AGAP1: variants seen among roughly 807,000 people sequenced by gnomAD.
AGAP1 encodes the protein arf-GAP with GTPase, ANK repeat and PH domain-containing protein 1.
In AGAP1, 29 loss-of-function variants were observed where a neutral mutation model predicts 105.3. That is an observed-to-expected ratio of 0.28 (90% CI 0.21 to 0.38). AGAP1 has a LOEUF of 0.38. Ranked by LOEUF, AGAP1 falls within the 10% of genes least tolerant of loss-of-function variation. The probability of loss-of-function intolerance (pLI) is 1.00; values close to 1 mark genes in which losing one functional copy is unlikely to be tolerated. For synonymous variants in AGAP1, 509 were observed against 485.9 expected, an observed-to-expected ratio of 1.05 and a Z score of -0.63; for missense variants, 998 against 1,165.1, an observed-to-expected ratio of 0.86 and a Z score of 2.09.
rs1051380895 is a variant in AGAP1 at position 235,621,550 on chromosome 2, G to A, written c.164-87629G>A. 1.3e-5 allele frequency among the ~76,000 whole-genome samples: 2 copies of A among 152,174 alleles called. No homozygotes were observed. The highest frequency in any genetic ancestry group is 4.8e-5 in the African/African-American group (2 of 41,446). On this transcript the variant is annotated intron_variant, in intron 1 of 17. Coordinates refer to ENST00000304032, the MANE Select transcript of AGAP1 (RefSeq NM_001037131.3). This position sits in a 1 kb window ranked among gnomAD's most constrained non-coding sequence, Gnocchi z 4.1. The stretch of plus-strand genomic sequence containing the variant: ...AGGGCCCTGTCACGTCTCTGAGCCG[G>A]CTTCTCTGGGCACTGGCTGGGCTGA...
At chr2:235,903,172 TAC>T (rs904297663) in intron 10 of AGAP1, among the ~76,000 whole-genome samples, 2 of 152,218 alleles carry the variant, frequency 1.3e-5, no homozygotes, top group African/African-American at 4.8e-5. Flanking sequence ...AACATACATG[TAC>T]AGTTATAAAC....
intron 16 of AGAP1, 194 bp downstream of exon 16, chr2:236,049,475 A>G: frequency 3.8e-6 from 2 of 525,300 alleles, no homozygotes; most frequent in Non-Finnish European, 6.7e-6. Context: ...ACACTCCTTA[A>G]TTTTTTATGT....
rs1442378455 is a variant in AGAP1 at position 235,577,163 on chromosome 2, AAAAT to A, written c.163+82318_163+82321del. On this transcript the variant is annotated intron_variant, in intron 1 of 17. Transcript: ENST00000304032. The surrounding 1 kb of genome is among the most constrained non-coding windows in gnomAD (Gnocchi z 4.5). The stretch of plus-strand genomic sequence containing the variant: ...AAGTTTTCTACTAGCTACATTAGAA[AAAAT>A]AAAAGAAACAGATGAAATTAATTTT... Among the ~76,000 whole-genome samples the A allele has an allele frequency of 2.0e-5, 3 of 152,364 alleles. No individual in the cohort carries two copies. The highest frequency in any genetic ancestry group is 1.3e-4 in the Admixed American group (2 of 15,310).
intron 9 of AGAP1, among the ~76,000 whole-genome samples, chr2:235,871,238 T>C (rs2049421563): frequency 6.6e-6 from 1 of 152,228 alleles, no homozygotes; most frequent in Non-Finnish European, 1.5e-5. Flanking sequence ...TTGTGATCAG[T>C]CCAGCAAGGT....
In AGAP1 at chr2:235,983,944, A is replaced by G. The variant is rs376286307; in HGVS notation, c.1645+15321A>G. 2.0e-5 allele frequency among the ~76,000 whole-genome samples: 3 copies of G among 151,342 alleles called. No individual in the cohort carries two copies. Among genetic ancestry groups the G allele is most frequent in the South Asian group, 2.1e-4 (1 of 4,802 alleles). ...CATTTTAATTGTTTTTAAGTGTTCAATTCAGTGCCGTTGAATTATATTTTC... is the reference window on the plus strand; with the variant it reads ...CATTTTAATTGTTTTTAAGTGTTCAGTTCAGTGCCGTTGAATTATATTTTC... On this transcript the variant is annotated intron_variant, in intron 13 of 17. Transcript: ENST00000304032. This position sits in a 1 kb window ranked among gnomAD's most constrained non-coding sequence, Gnocchi z 4.5.
chr2:236,043,736 A>AAAGG (rs537659767), intron 15 of AGAP1, among the ~76,000 whole-genome samples: 2 of 138,774 alleles, frequency 1.4e-5, no homozygotes, highest in East Asian at 2.7e-4. Context: ...AAAAAAAAAA[A>AAAGG]GTGGGGGGGG....
intron 9 of AGAP1, among the ~76,000 whole-genome samples, chr2:235,863,153 C>T (rs1013976527): frequency 6.6e-6 from 1 of 152,210 alleles, no homozygotes; most frequent in Admixed American, 6.5e-5. Flanking sequence ...ATGGGCAAGA[C>T]GGGAGTGGTC....
At position 235,553,077 on chromosome 2, in the gene AGAP1, C is replaced by T. The variant is rs1429286944; in HGVS notation, c.163+58228C>T. Among the ~76,000 whole-genome samples, 1 of 152,182 alleles carries T rather than the reference C, an allele frequency of 6.6e-6. No homozygotes were observed. The highest frequency in any genetic ancestry group is 1.5e-5 in the Non-Finnish European group (1 of 68,040). On this transcript the variant is annotated intron_variant, in intron 1 of 17. Coordinates refer to ENST00000304032, the MANE Select transcript of AGAP1 (RefSeq NM_001037131.3). This position sits in a 1 kb window ranked among gnomAD's most constrained non-coding sequence, Gnocchi z 4.5. ...TCTGCTTTATTTCATCTGCAAGTAG[C>T]ATTAATACTATAACTGAATATACAG...
At chr2:235,975,553 C>CT (rs1331877041) in intron 13 of AGAP1, among the ~76,000 whole-genome samples, 1 of 152,142 alleles carries the variant, frequency 6.6e-6, no homozygotes, top group Non-Finnish European at 1.5e-5. Context: ...AGGCTCTCAT[C>CT]TTTTCTCACT....
At chr2:236,031,328 G>A (rs543755890) in intron 13 of AGAP1, among the ~76,000 whole-genome samples, 31 of 152,236 alleles carry the variant, frequency 2.0e-4, no homozygotes, top group Admixed American at 1.1e-3. Flanking sequence ...CAGAAAGCTC[G>A]AAAGAGAACT....
At position 235,988,996 on chromosome 2, in the gene AGAP1, G is replaced by A. The variant is rs1290027458; in HGVS notation, c.1645+20373G>A. ...CTTCCGAGGAATGCACAGACCACAC[G>A]TTGTCAGGCTTCCCTTGGCCAATAA... On this transcript the variant is annotated intron_variant, in intron 13 of 17. Coordinates refer to ENST00000304032, the MANE Select transcript of AGAP1 (RefSeq NM_001037131.3). This position sits in a 1 kb window ranked among gnomAD's most constrained non-coding sequence, Gnocchi z 4.7. Among the ~76,000 whole-genome samples, 4 of 152,128 alleles carry A rather than the reference G, an allele frequency of 2.6e-5. No homozygotes were observed. Among genetic ancestry groups the A allele is most frequent in the Non-Finnish European group, 4.4e-5 (3 of 68,028 alleles).
Position 235,754,616 on chromosome 2 carries a change from C to T in AGAP1, c.673+4128C>T, listed in dbSNP as rs1038917854. ...AGAAACCTTGCATTCACTTTTTGTT[C>T]GCTTGTGTGGTCCTGTTTACTTTGC... On this transcript the variant is annotated intron_variant, in intron 6 of 17. Transcript: ENST00000304032. This position sits in a 1 kb window ranked among gnomAD's most constrained non-coding sequence, Gnocchi z 4.6. Among the ~76,000 whole-genome samples the T allele has an allele frequency of 2.7e-4, 41 of 152,210 alleles. No homozygotes were observed. Among genetic ancestry groups the T allele is most frequent in the Middle Eastern group, 3.4e-3 (1 of 294 alleles).
Position 235,612,532 on chromosome 2 carries a change from T to C in AGAP1, c.164-96647T>C, listed in dbSNP as rs1946163085. On this transcript the variant is annotated intron_variant, in intron 1 of 17. Transcript: ENST00000304032. This position sits in a 1 kb window ranked among gnomAD's most constrained non-coding sequence, Gnocchi z 4.3. ...TTCAAACTGACAAATACTTACTTAATAGCTGATTGTATTCAGGTGCTAAGG... is the reference window on the plus strand; with the variant it reads ...TTCAAACTGACAAATACTTACTTAACAGCTGATTGTATTCAGGTGCTAAGG... Among the ~76,000 whole-genome samples the C allele has an allele frequency of 6.6e-6, 1 of 152,210 alleles. No homozygotes were observed. The highest frequency in any genetic ancestry group is 2.1e-4 in the South Asian group (1 of 4,830).
chr2:235,784,662 A>G (rs1317483712), intron 6 of AGAP1, among the ~76,000 whole-genome samples: 1 of 150,796 alleles, frequency 6.6e-6, no homozygotes, highest in Non-Finnish European at 1.5e-5. Flanking sequence ...TTCAGTAGCC[A>G]TGGCCTATGC....
rs1945714313 is a variant in AGAP1 at position 235,601,034 on chromosome 2, C to T, written c.163+106185C>T. 6.6e-6 allele frequency among the ~76,000 whole-genome samples: 1 copy of T among 152,172 alleles called. No homozygotes were observed. Among genetic ancestry groups the T allele is most frequent in the East Asian group, 1.9e-4 (1 of 5,186 alleles). On this transcript the variant is annotated intron_variant, in intron 1 of 17. Coordinates refer to ENST00000304032, the MANE Select transcript of AGAP1 (RefSeq NM_001037131.3). The surrounding 1 kb of genome is among the most constrained non-coding windows in gnomAD (Gnocchi z 4.4). ...TCTTCTCACTGCCTTCAGTATCCAG[C>T]CAAGCTGGGAAACGCCACTGCCACA...
chr2:235,812,589 G>A (rs1012656487), intron 9 of AGAP1, among the ~76,000 whole-genome samples: 2 of 152,356 alleles, frequency 1.3e-5, no homozygotes, highest in Non-Finnish European at 2.9e-5. Context: ...TGCTCACAGC[G>A]AGTTGGTTGA....
chr2:235,767,115 T>G (rs1188603580), intron 6 of AGAP1, among the ~76,000 whole-genome samples: 2 of 152,246 alleles, frequency 1.3e-5, no homozygotes, highest in African/African-American at 4.8e-5. Flanking sequence ...TTCGACATCT[T>G]GGCCAGGCTG....
At position 236,040,593 on chromosome 2, in the gene AGAP1, G is replaced by T. The variant is rs183917952; in HGVS notation, c.1801-158G>T. 1.5e-4 allele frequency: 50 copies of T among 324,184 alleles called. No individual in the cohort carries two copies. Among genetic ancestry groups the T allele is most frequent in the African/African-American group, 1.2e-3 (48 of 38,750 alleles). 20.1% of individuals were successfully genotyped at this position (324,184 alleles called of 1,614,324 possible). Reference sequence around the variant, plus strand: ...GCATGATGATTTCTTCTTCAGTTATGCTCTTTCCCAAAGACATCAAAACAA... The same window carrying T: ...GCATGATGATTTCTTCTTCAGTTATTCTCTTTCCCAAAGACATCAAAACAA... On this transcript the variant is annotated intron_variant, in intron 14 of 17. Coordinates refer to ENST00000304032, the MANE Select transcript of AGAP1 (RefSeq NM_001037131.3). The surrounding 1 kb of genome is among the most constrained non-coding windows in gnomAD (Gnocchi z 5.6).
chr2:235,809,070 A>G (rs1002843778), intron 9 of AGAP1, among the ~76,000 whole-genome samples: 1 of 151,998 alleles, frequency 6.6e-6, no homozygotes, highest in Non-Finnish European at 1.5e-5. Context: ...TTAATAATAG[A>G]CTGTTTTCTT....
Sources: gnomAD v4.1 joint callset for allele counts (sites outside exome capture counted in the v4.1 genomes callset) on GRCh38, gnomAD v4.1.1 for gene constraint, Gnocchi (gnomAD v3.1) non-coding constraint, MANE v1.5 for transcripts, NCBI Gene and HGNC (gene_info 2026-07-23, HGNC 2026-07-21) for gene names.